CARMIL1: variants seen among roughly 807,000 people sequenced by gnomAD.
The protein encoded by CARMIL1 is F-actin-uncapping protein LRRC16A.
CARMIL1 carries 90 observed loss-of-function variants against 177.1 expected under a neutral mutation model. That is an observed-to-expected ratio of 0.51 (90% CI 0.43 to 0.61). The LOEUF (loss-of-function observed/expected upper bound fraction) is 0.61, where lower values mean the gene tolerates loss of function less well. CARMIL1 is among the 20% of genes least tolerant of loss of function. The pLI is 0.00. For synonymous variants in CARMIL1, 577 were observed against 606.2 expected (o/e 0.95, Z 0.71); for missense variants, 1,380 against 1,667.0 (o/e 0.83, Z 3.00).
chr6:25,426,683 G>T, intron 4 of CARMIL1, 123 bp downstream of exon 4: 1 of 742,738 alleles, frequency 1.3e-6, no homozygotes, highest in East Asian at 2.9e-5. Flanking sequence ...TGAAATGAGA[G>T]ACTCAACACT....
rs1004318643 is a variant in CARMIL1 at position 25,339,216 on chromosome 6, A to T, written c.138+54307A>T. On this transcript the variant is annotated intron_variant, in intron 2 of 36. Transcript: ENST00000329474. ...ATAAGCCTAGCCTGGGAAGGAGAATATTTTCCTGTTAGCTATTTGAGTCCT... is the reference window on the plus strand; with the variant it reads ...ATAAGCCTAGCCTGGGAAGGAGAATTTTTTCCTGTTAGCTATTTGAGTCCT... 7.2e-5 allele frequency among the ~76,000 whole-genome samples: 11 copies of T among 152,284 alleles called. No individual in the cohort carries two copies. The East Asian group carries it at 2.1e-3, about 29-fold the overall frequency.
At chr6:25,392,809 T>C (rs1046764871) in intron 2 of CARMIL1, among the ~76,000 whole-genome samples, 1 of 152,214 alleles carries the variant, frequency 6.6e-6, no homozygotes, top group African/African-American at 2.4e-5. Flanking sequence ...GAAACTATTA[T>C]GCCATTTTAA....
At chr6:25,514,096 C>T (rs1461305571) in intron 20 of CARMIL1, among the ~76,000 whole-genome samples, 1 of 152,172 alleles carries the variant, frequency 6.6e-6, no homozygotes. Context: ...AAGTAGGAAG[C>T]TCTATTAATT....
intron 2 of CARMIL1, among the ~76,000 whole-genome samples, chr6:25,388,762 T>C (rs1161470788): frequency 1.3e-5 from 2 of 152,128 alleles, no homozygotes; most frequent in Non-Finnish European, 2.9e-5. Context: ...CTGCAACTCC[T>C]GGGCTCAAAC....
At position 25,495,204 on chromosome 6, in the gene CARMIL1, T is replaced by G; in HGVS notation, c.1314T>G (p.Pro438=). The change falls in exon 16 of 37, where the codon CCT becomes CCG. Residue 438 remains proline, a synonymous_variant. Coordinates refer to ENST00000329474, the MANE Select transcript of CARMIL1 (RefSeq NM_017640.6). The part of the protein sequence containing the change: ...HINLSGTKLS[P]EPLKALLLGL... ...ACCTTTCAGGCACAAAACTGTCTCC[T>G]GAGCCCTTAAAGTGAGTGGTTAATT... is the stretch of plus-strand genomic sequence containing the variant. The G allele has an allele frequency of 1.9e-6, 3 of 1,609,476 alleles. No individual in the cohort carries two copies. Among genetic ancestry groups the G allele is most frequent in the Non-Finnish European group, 2.5e-6 (3 of 1,177,360 alleles).
chr6:25,556,650 A>G (rs1467856537), intron 28 of CARMIL1, 51 bp from the exon 29 acceptor site: 1 of 1,555,726 alleles, frequency 6.4e-7, no homozygotes, highest in Non-Finnish European at 8.7e-7. Flanking sequence ...CCTGCTAACC[A>G]GCACTTTCTC....
chr6:25,383,182 T>C (rs1791762261), intron 2 of CARMIL1, among the ~76,000 whole-genome samples: 1 of 152,062 alleles, frequency 6.6e-6, no homozygotes, highest in Admixed American at 6.6e-5. Flanking sequence ...ACATAGAAGA[T>C]TGTTCCCTAA....
chr6:25,486,744 T>C (rs1582117652), intron 12 of CARMIL1, among the ~76,000 whole-genome samples: 4 of 152,208 alleles, frequency 2.6e-5, no homozygotes, highest in Admixed American at 1.3e-4. Context: ...AATTATTGCC[T>C]CACTGGGTAG....
chr6:25,485,195 C>T (rs1802508820), intron 12 of CARMIL1, among the ~76,000 whole-genome samples: 1 of 152,142 alleles, frequency 6.6e-6, no homozygotes, highest in Admixed American at 6.5e-5. Flanking sequence ...TGCCACCTCT[C>T]CCTGATGTTC....
intron 8 of CARMIL1, chr6:25,452,262 TC>T (rs773869903): frequency 1.3e-6 from 1 of 762,264 alleles, no homozygotes; most frequent in Admixed American, 1.7e-5. Context: ...TTCTCCTTCT[TC>T]CTATAAGTGA....
chr6:25,493,388 T>C (rs545272082), intron 15 of CARMIL1, among the ~76,000 whole-genome samples: 53 of 152,356 alleles, frequency 3.5e-4, no homozygotes, highest in African/African-American at 1.2e-3. Flanking sequence ...AGACTATTCA[T>C]TCTTTTATTC....
In CARMIL1 at chr6:25,355,012, C is replaced by T. The variant is rs77582256; in HGVS notation, c.139-65102C>T. Among the ~76,000 whole-genome samples the T allele has an allele frequency of 8.4e-3, 1,273 of 152,322 alleles. 9 individuals are homozygous for T. Among genetic ancestry groups the T allele is most frequent in the Middle Eastern group, 0.024 (7 of 294 alleles). On this transcript the variant is annotated intron_variant, in intron 2 of 36. Coordinates refer to ENST00000329474, the MANE Select transcript of CARMIL1 (RefSeq NM_017640.6). ...TGGCGAGTCTACTGACAGAGACCCT[C>T]TTCCAAATATTCTGGAGGGATGTAC...
At chr6:25,441,335 A>ATGTGTG (rs1348225958) in intron 5 of CARMIL1, among the ~76,000 whole-genome samples, 24 of 66,840 alleles carry the variant, frequency 3.6e-4, no homozygotes, top group Non-Finnish European at 4.3e-4. Context: ...ATATATATAT[A>ATGTGTG]TATGTGTGTG....
At chr6:25,445,621 G>A (rs971518560) in intron 5 of CARMIL1, among the ~76,000 whole-genome samples, 1 of 147,760 alleles carries the variant, frequency 6.8e-6, no homozygotes, top group Admixed American at 6.9e-5. Context: ...TGCAAGCTCC[G>A]CCTCCCAGGT....
At chr6:25,497,732 T>C (rs975800603) in intron 16 of CARMIL1, among the ~76,000 whole-genome samples, 4 of 152,216 alleles carry the variant, frequency 2.6e-5, no homozygotes, top group Non-Finnish European at 5.9e-5. Flanking sequence ...ACACAATTTC[T>C]TTTGAGACAG....
intron 2 of CARMIL1, among the ~76,000 whole-genome samples, chr6:25,387,479 C>G (rs1419871864): frequency 6.6e-6 from 1 of 152,198 alleles, no homozygotes; most frequent in Non-Finnish European, 1.5e-5. Context: ...TCTGAATTTT[C>G]TAAGTGAAGA....
chr6:25,602,186 C>G (rs1216933623), intron 33 of CARMIL1, among the ~76,000 whole-genome samples: 2 of 152,136 alleles, frequency 1.3e-5, no homozygotes, highest in Non-Finnish European at 2.9e-5. Flanking sequence ...ATTGCAGAAC[C>G]CTCCTAATTC....
At chr6:25,437,058 C>T (rs544508739) in intron 5 of CARMIL1, among the ~76,000 whole-genome samples, 26 of 152,212 alleles carry the variant, frequency 1.7e-4, no homozygotes, top group Admixed American at 7.2e-4. Flanking sequence ...GGAATGGGTT[C>T]GACATCATCC....
intron 5 of CARMIL1, among the ~76,000 whole-genome samples, chr6:25,443,243 G>A (rs970603391): frequency 1.3e-5 from 2 of 152,178 alleles, no homozygotes; most frequent in African/African-American, 2.4e-5. Context: ...CTGCTTCATT[G>A]TCTTGATGTA....
Sources: allele counts gnomAD v4.1 joint callset (sites outside exome capture counted in the v4.1 genomes callset), GRCh38; gene constraint gnomAD v4.1.1; transcripts MANE v1.5; gene names NCBI Gene and HGNC (gene_info 2026-07-23, HGNC 2026-07-21).